DPF3: variants seen among roughly 807,000 people sequenced by gnomAD.
DPF3 encodes zinc finger protein DPF3.
DPF3 carries 18 observed loss-of-function variants against 56.8 expected under a neutral mutation model. That is an observed-to-expected ratio of 0.32 (90% confidence interval 0.22 to 0.47). DPF3 has a LOEUF of 0.47. DPF3 is among the 20% of genes least tolerant of loss of function. The probability of loss-of-function intolerance (pLI) is 1.00; values close to 1 mark genes in which losing one functional copy is unlikely to be tolerated. For missense variants in DPF3, 403 were observed against 488.8 expected, an observed-to-expected ratio of 0.82 and a Z score of 1.65; for synonymous variants, 188 against 180.2, an observed-to-expected ratio of 1.04 and a Z score of -0.35.
At chr14:72,671,265 A>G in intron 8 of DPF3, 1 of 1,613,992 alleles carries the variant, frequency 6.2e-7, no homozygotes, top group Non-Finnish European at 8.5e-7. Flanking sequence ...CTGACGTGGA[A>G]CCGAATAAGT....
At chr14:72,701,688 T>C (rs990355246) in intron 6 of DPF3, among the ~76,000 whole-genome samples, 9 of 152,188 alleles carry the variant, frequency 5.9e-5, no homozygotes, top group African/African-American at 2.2e-4. Flanking sequence ...CACATTTTCA[T>C]CAGCCCAACT....
chr14:72,629,551 C>A, intron 9 of DPF3, 73 bp downstream of exon 9: 1 of 1,381,850 alleles, frequency 7.2e-7, no homozygotes, highest in South Asian at 1.2e-5. Flanking sequence ...AAGAGTCCTT[C>A]CTTCCTCTTC....
chr14:72,694,454 A>G lies in DPF3; in HGVS notation c.605-1241T>C, dbSNP rs1403279585. Among the ~76,000 whole-genome samples the G allele has an allele frequency of 2.0e-5, 3 of 152,180 alleles. No individual in the cohort carries two copies. In the East Asian group the frequency reaches 5.8e-4, roughly 29 times the overall value. ...AACTTTAGCATCAGGCCTGGGTTCA[A>G]ATCCCAGTTCCAGCTGCTGAGGTTC... On this transcript the variant is annotated intron_variant, in intron 6 of 10. Transcript: ENST00000556509.
chr14:72,695,388 A>G (rs1666933784), intron 6 of DPF3, among the ~76,000 whole-genome samples: 1 of 152,192 alleles, frequency 6.6e-6, no homozygotes, highest in Non-Finnish European at 1.5e-5. Flanking sequence ...CCCTTGCCTC[A>G]TATTATAAAA....
chr14:72,664,337 C>T (rs1035385547), intron 8 of DPF3, among the ~76,000 whole-genome samples: 2 of 152,052 alleles, frequency 1.3e-5, no homozygotes, highest in African/African-American at 2.4e-5. Context: ...GACCTCCCAA[C>T]ACACACACAC....
chr14:72,771,637 T>G, intron 2 of DPF3, 96 bp downstream of exon 2: 1 of 1,493,714 alleles, frequency 6.7e-7, no homozygotes, highest in Non-Finnish European at 8.9e-7. Flanking sequence ...ACCCCGATCC[T>G]ACCCAGGCTG....
At chr14:72,839,746 C>T (rs186591614) in intron 1 of DPF3, among the ~76,000 whole-genome samples, 115 of 152,258 alleles carry the variant, frequency 7.6e-4, no homozygotes, top group Middle Eastern at 3.4e-3. Context: ...AGAAAGGGGC[C>T]GGTGAGGACA....
chr14:72,612,559 T>C lies in DPF3; in HGVS notation c.*6738A>G, dbSNP rs186709561. On this transcript the variant is annotated 3_prime_UTR_variant, in exon 11 of 11. Transcript: ENST00000556509. ...CCCACCTCCACCCCACTCCTTAGCA[T>C]CTATCACGGCAGAGGGAAGGGAGGA... 1.2e-4 allele frequency: 61 copies of C among 503,920 alleles called. No individual in the cohort carries two copies. Among genetic ancestry groups the C allele is most frequent in the Admixed American group, 1.1e-3 (55 of 49,972 alleles). The allele number at this position is 503,920 out of a possible 1,614,324, so 31.2% of individuals were successfully genotyped here.
At chr14:72,678,764 G>A (rs188403521) in intron 7 of DPF3, among the ~76,000 whole-genome samples, 22 of 152,328 alleles carry the variant, frequency 1.4e-4, no homozygotes, top group East Asian at 3.9e-4. Flanking sequence ...CTGCGATGAT[G>A]GATGTGGTTT....
At chr14:72,624,618 C>T (rs934203516) in intron 9 of DPF3, among the ~76,000 whole-genome samples, 2 of 152,186 alleles carry the variant, frequency 1.3e-5, no homozygotes, top group Admixed American at 6.5e-5. Context: ...GGATTACAGG[C>T]GTGAGCCACC....
At chr14:72,819,878 C>T (rs1332774468) in intron 1 of DPF3, among the ~76,000 whole-genome samples, 6 of 152,080 alleles carry the variant, frequency 3.9e-5, no homozygotes, top group Non-Finnish European at 7.4e-5. Flanking sequence ...GCAAAGGTTG[C>T]AGTGAGCTGA....
intron 8 of DPF3, among the ~76,000 whole-genome samples, chr14:72,641,960 T>C (rs1885576844): frequency 1.3e-5 from 2 of 152,224 alleles, no homozygotes; most frequent in African/African-American, 2.4e-5. Flanking sequence ...GCTATTGTGT[T>C]GTGAGCTGCC....
At chr14:72,662,405 A>T (rs1886254763) in intron 8 of DPF3, 1 of 984,976 alleles carries the variant, frequency 1.0e-6, no homozygotes, top group Non-Finnish European at 1.2e-6. Flanking sequence ...AAACAAAAAT[A>T]CTGTGCCATG....
At chr14:72,761,703 G>A (rs1404842985) in intron 2 of DPF3, among the ~76,000 whole-genome samples, 1 of 151,516 alleles carries the variant, frequency 6.6e-6, no homozygotes, top group Non-Finnish European at 1.5e-5. Context: ...AGAAACAGAA[G>A]AGCAAATTAA....
At chr14:72,779,539 T>C (rs1468655922) in intron 1 of DPF3, among the ~76,000 whole-genome samples, 2 of 152,156 alleles carry the variant, frequency 1.3e-5, no homozygotes, top group African/African-American at 4.8e-5. Flanking sequence ...AAATCAAGAC[T>C]TGGAATTGGT....
chr14:72,893,671 C>G (rs1197078049), intron 1 of DPF3, among the ~76,000 whole-genome samples: 2 of 151,934 alleles, frequency 1.3e-5, no homozygotes, highest in Non-Finnish European at 2.9e-5. Context: ...GCTCGCCCCC[C>G]GCCCAGCAGC....
chr14:72,612,853 TG>T lies in DPF3; in HGVS notation c.*6443del, dbSNP rs1284390737. ...AAGCACAAGGCTCCCTTTGCAACCCTGGTGGCTGTGCAGAGGCTGAGAGCTG... is the reference window on the plus strand; with the variant it reads ...AAGCACAAGGCTCCCTTTGCAACCCTGTGGCTGTGCAGAGGCTGAGAGCTG... On this transcript the variant is annotated 3_prime_UTR_variant, in exon 11 of 11. Transcript: ENST00000556509. Among the ~76,000 whole-genome samples the T allele has an allele frequency of 6.6e-6, 1 of 152,184 alleles. No homozygotes were observed. The highest frequency in any genetic ancestry group is 2.4e-5 in the African/African-American group (1 of 41,434).
At chr14:72,667,266 T>C (rs980919501) in intron 8 of DPF3, among the ~76,000 whole-genome samples, 1 of 152,114 alleles carries the variant, frequency 6.6e-6, no homozygotes, top group Non-Finnish European at 1.5e-5. Context: ...CTTTACATAG[T>C]CTCTCAGTAA....
chr14:72,835,983 G>A (rs17781624), intron 1 of DPF3: 193,894 of 921,394 alleles, frequency 0.21, 21,485 homozygotes, highest in East Asian at 0.28. Context: ...TACACCCGCC[G>A]GAGACCACAT....
Sources: allele counts gnomAD v4.1 joint callset (sites outside exome capture counted in the v4.1 genomes callset), GRCh38; gene constraint gnomAD v4.1.1; transcripts MANE v1.5; gene names NCBI Gene and HGNC (gene_info 2026-07-23, HGNC 2026-07-21).